The following CD2AP variants were observed in gnomAD, a reference collection of about 807,000 sequenced individuals.
CD2AP encodes the protein CD2-associated protein.
In CD2AP, 46 loss-of-function variants were observed where a neutral mutation model predicts 85.1. The observed-to-expected ratio is 0.54, with a 90% CI of 0.43 to 0.69. The LOEUF is 0.69. CD2AP is among the 30% of genes least tolerant of loss of function. The probability of loss-of-function intolerance (pLI) is 0.00; values close to 1 mark genes in which losing one functional copy is unlikely to be tolerated. For synonymous variants in CD2AP, 255 were observed against 252.9 expected (o/e 1.01, Z -0.08); for missense variants, 769 against 729.5 (o/e 1.05, Z -0.62).
chr6:47,511,925 G>A (rs1011887774), intron 2 of CD2AP, among the ~76,000 whole-genome samples: 5 of 152,208 alleles, frequency 3.3e-5, no homozygotes, highest in South Asian at 2.1e-4. Context: ...TTGGGAGGCC[G>A]AGGTGGGCGG....
At chr6:47,551,037 G>A (rs892036294) in intron 4 of CD2AP, among the ~76,000 whole-genome samples, 9 of 152,056 alleles carry the variant, frequency 5.9e-5, no homozygotes, top group African/African-American at 2.2e-4. Context: ...CGGGGGAAGA[G>A]GGTGGGAAGG....
intron 17 of CD2AP, among the ~76,000 whole-genome samples, chr6:47,623,547 G>T (rs1769819588): frequency 6.6e-6 from 1 of 152,148 alleles, no homozygotes; most frequent in Non-Finnish European, 1.5e-5. Context: ...GAATAACTCT[G>T]TGTAGTTATT....
intron 5 of CD2AP, among the ~76,000 whole-genome samples, chr6:47,571,049 T>G (rs1768137687): frequency 6.6e-6 from 1 of 152,130 alleles, no homozygotes; most frequent in Admixed American, 6.5e-5. Context: ...ATGGCCTTAA[T>G]CAAATACTCA....
chr6:47,579,158 G>C (rs1010777901), intron 8 of CD2AP, among the ~76,000 whole-genome samples: 2 of 152,012 alleles, frequency 1.3e-5, no homozygotes, highest in African/African-American at 4.8e-5. Flanking sequence ...CCTGCACTTT[G>C]GGAGACCAAA....
chr6:47,616,070 A>C lies in CD2AP; in HGVS notation c.1878+3534A>C, dbSNP rs902392494. Among the ~76,000 whole-genome samples the C allele has an allele frequency of 1.9e-3, 248 of 133,956 alleles. 2 individuals are homozygous for C. The highest frequency in any genetic ancestry group is 6.9e-3 in the African/African-American group (236 of 34,256). 87.9% of individuals were successfully genotyped at this position (133,956 alleles called of 152,430 possible). On this transcript the variant is annotated intron_variant, in intron 17 of 17. Transcript: ENST00000359314. ...AGTGCTGGAATTGCAGGCATGAGCC[A>C]CTGCGCCTGGCCTTTTTTTTTTTTT...
rs1475277228 is a variant in CD2AP at position 47,627,083 on chromosome 6, G to A, written c.*2856G>A. The A allele has an allele frequency of 2.0e-5, 3 of 152,344 alleles. No homozygotes were observed. The highest frequency in any genetic ancestry group is 4.4e-5 in the Non-Finnish European group (3 of 67,876). 9.4% of individuals were successfully genotyped at this position (152,344 alleles called of 1,614,324 possible). A position where few individuals can be genotyped will look rare whatever the true frequency, so the allele number is the denominator to read the frequency against. On this transcript the variant is annotated 3_prime_UTR_variant, in exon 18 of 18. Transcript: ENST00000359314. ...CTTCACTAACTTGTTTACAGGTGCTGTATTTAAAAGCATGCTTCTCTCTCA... is the reference window on the plus strand; with the variant it reads ...CTTCACTAACTTGTTTACAGGTGCTATATTTAAAAGCATGCTTCTCTCTCA...
intron 11 of CD2AP, among the ~76,000 whole-genome samples, chr6:47,590,794 G>A (rs537436685): frequency 6.6e-6 from 1 of 152,160 alleles, no homozygotes; most frequent in African/African-American, 2.4e-5. Context: ...AAGATACAAT[G>A]TTTTTCAATT....
intron 2 of CD2AP, among the ~76,000 whole-genome samples, chr6:47,529,265 G>A (rs1335538356): frequency 1.5e-5 from 2 of 136,078 alleles, no homozygotes; most frequent in South Asian, 2.2e-4. Flanking sequence ...ATTTTGTTCA[G>A]TGTCGTTTTG....
chr6:47,489,643 G>A (rs1286642355), intron 1 of CD2AP, among the ~76,000 whole-genome samples: 3 of 152,106 alleles, frequency 2.0e-5, no homozygotes, highest in African/African-American at 4.8e-5. Context: ...CGGAGCATTC[G>A]GTTCCCCACA....
intron 11 of CD2AP, chr6:47,582,305 C>T: frequency 2.6e-6 from 1 of 386,254 alleles, no homozygotes; most frequent in Non-Finnish European, 4.8e-6. Flanking sequence ...ATTTCACAGA[C>T]TGTATAAGAA....
At chr6:47,543,012 G>A (rs1562024041) in intron 3 of CD2AP, among the ~76,000 whole-genome samples, 1 of 151,738 alleles carries the variant, frequency 6.6e-6, no homozygotes, top group Non-Finnish European at 1.5e-5. Flanking sequence ...TTAGCTGGGC[G>A]TGGTGGCGCT....
chr6:47,561,319 G>C (rs1767856013), intron 5 of CD2AP, among the ~76,000 whole-genome samples: 1 of 151,992 alleles, frequency 6.6e-6, no homozygotes, highest in African/African-American at 2.4e-5. Context: ...CATAGATCTG[G>C]TTTGTCATTA....
intron 17 of CD2AP, among the ~76,000 whole-genome samples, chr6:47,618,458 A>T (rs1769657095): frequency 6.6e-6 from 1 of 152,028 alleles, no homozygotes; most frequent in Non-Finnish European, 1.5e-5. Context: ...TTTGGGTAGG[A>T]TCCATGTTTT....
chr6:47,582,082 A>C lies in CD2AP; in HGVS notation c.1108+17A>C. 4 of 1,478,788 alleles carry C rather than the reference A, an allele frequency of 2.7e-6. No homozygotes were observed. Among genetic ancestry groups the C allele is most frequent in the Non-Finnish European group, 3.8e-6 (4 of 1,056,910 alleles). 91.6% of individuals were successfully genotyped at this position (1,478,788 alleles called of 1,614,324 possible). A position where few individuals can be genotyped will look rare whatever the true frequency, so the allele number is the denominator to read the frequency against. ...AAGAAAAGGGTGAGGCTAATTTTCAACTTTCAAAAAAGCAATTATTTCTTT... is the reference window on the plus strand; with the variant it reads ...AAGAAAAGGGTGAGGCTAATTTTCACCTTTCAAAAAAGCAATTATTTCTTT... On this transcript the variant is annotated intron_variant, in intron 11 of 17. Coordinates refer to ENST00000359314, the MANE Select transcript of CD2AP (RefSeq NM_012120.3).
At chr6:47,604,511 TG>T (rs1367630482) in intron 13 of CD2AP, among the ~76,000 whole-genome samples, 1 of 152,164 alleles carries the variant, frequency 6.6e-6, no homozygotes, top group Admixed American at 6.6e-5. Flanking sequence ...TTCTGCAAGT[TG>T]CTTAAATATG....
rs557896290 is a variant in CD2AP at position 47,506,855 on chromosome 6, G to A, written c.165+3415G>A. ...AGAGGGAGAGGGAGAGGGAGAGAGC[G>A]GCTGTGGCAGTTTCTAAGATGAGAC... is the stretch of plus-strand genomic sequence containing the variant. On this transcript the variant is annotated intron_variant, in intron 2 of 17. Coordinates refer to ENST00000359314, the MANE Select transcript of CD2AP (RefSeq NM_012120.3). Among the ~76,000 whole-genome samples the A allele has an allele frequency of 1.3e-4, 19 of 151,114 alleles. No individual in the cohort carries two copies. The East Asian group carries it at 2.3e-3, about 19-fold the overall frequency.
chr6:47,562,187 G>C (rs2114076259), intron 5 of CD2AP, among the ~76,000 whole-genome samples: 1 of 152,226 alleles, frequency 6.6e-6, no homozygotes, highest in Non-Finnish European at 1.5e-5. Flanking sequence ...CTAATATTAG[G>C]CTTGAAAGGA....
At chr6:47,553,541 T>C (rs997039225) in intron 4 of CD2AP, among the ~76,000 whole-genome samples, 120 of 137,576 alleles carry the variant, frequency 8.7e-4, no homozygotes, top group African/African-American at 2.9e-3. Flanking sequence ...TTTTTTTGTA[T>C]TTTTAGTAGA....
At chr6:47,597,885 G>A (rs1410908674) in intron 12 of CD2AP, among the ~76,000 whole-genome samples, 1 of 150,660 alleles carries the variant, frequency 6.6e-6, no homozygotes, top group Non-Finnish European at 1.5e-5. Flanking sequence ...TTTCAAAGGA[G>A]GACTCCAGGG....
Sources: gnomAD v4.1 joint callset for allele counts (sites outside exome capture counted in the v4.1 genomes callset) on GRCh38, gnomAD v4.1.1 for gene constraint, MANE v1.5 for transcripts, NCBI Gene and HGNC (gene_info 2026-07-23, HGNC 2026-07-21) for gene names.